AREL1: variants seen among roughly 807,000 people sequenced by gnomAD.
AREL1 encodes apoptosis-resistant E3 ubiquitin protein ligase 1.
A neutral mutation model predicts 99.0 loss-of-function variants in AREL1; 62 were observed. The ratio of observed to expected loss-of-function variants is 0.63; its 90% confidence interval spans 0.51 to 0.77. The LOEUF is 0.77. Ranked by LOEUF, AREL1 falls within the 30% of genes least tolerant of loss-of-function variation. AREL1 has a pLI of 0.00. For missense variants in AREL1, 879 were observed against 1,027.6 expected (o/e 0.86, Z 1.98); for synonymous variants, 380 against 376.5 (o/e 1.01, Z -0.11).
chr14:74,706,058 T>C (rs529900613), intron 1 of AREL1, among the ~76,000 whole-genome samples: 2 of 152,312 alleles, frequency 1.3e-5, no homozygotes, highest in African/African-American at 4.8e-5. Context: ...TAGAAAATAC[T>C]AGCTTCAGTT....
At chr14:74,707,575 C>T (rs1173569960) in intron 1 of AREL1, among the ~76,000 whole-genome samples, 1 of 152,010 alleles carries the variant, frequency 6.6e-6, no homozygotes, top group East Asian at 1.9e-4. Flanking sequence ...GCAGGTGGGT[C>T]ACAAGGTCAG....
chr14:74,698,000 A>G (rs1165678639), intron 1 of AREL1, among the ~76,000 whole-genome samples: 1 of 152,176 alleles, frequency 6.6e-6, no homozygotes, highest in East Asian at 1.9e-4. Flanking sequence ...GAGAAAAAAA[A>G]ATTTCATGTT....
At chr14:74,669,573 G>C in intron 15 of AREL1, 76 bp downstream of exon 15, 1 of 1,523,870 alleles carries the variant, frequency 6.6e-7, no homozygotes, top group South Asian at 1.3e-5. Context: ...CACCACTGCA[G>C]AAAGTTCTCT....
intron 2 of AREL1, among the ~76,000 whole-genome samples, chr14:74,688,338 C>A (rs1363307308): frequency 6.6e-6 from 1 of 152,012 alleles, no homozygotes; most frequent in Non-Finnish European, 1.5e-5. Context: ...AGTACTTACT[C>A]AATGTGCCAG....
chr14:74,689,592 CTTTTTTTT>C (rs1057362002), intron 2 of AREL1, among the ~76,000 whole-genome samples: 5 of 98,524 alleles, frequency 5.1e-5, no homozygotes, highest in Non-Finnish European at 7.6e-5. Flanking sequence ...TAGCACTTTT[CTTTTTTTT>C]TTTTTTTTTT....
intron 17 of AREL1, 104 bp downstream of exon 17, chr14:74,667,215 A>G: frequency 7.4e-7 from 1 of 1,348,546 alleles, no homozygotes; most frequent in Non-Finnish European, 1.0e-6. Flanking sequence ...TCTTGCATAA[A>G]TGGCTTTCCA....
chr14:74,681,433 T>A (rs1192649094), intron 5 of AREL1, among the ~76,000 whole-genome samples: 1 of 147,090 alleles, frequency 6.8e-6, no homozygotes, highest in African/African-American at 2.5e-5. Flanking sequence ...AATGACAAAA[T>A]TATAGAAATG....
intron 1 of AREL1, among the ~76,000 whole-genome samples, chr14:74,695,689 T>C (rs528472868): frequency 1.8e-4 from 28 of 152,296 alleles, no homozygotes; most frequent in African/African-American, 6.3e-4. Flanking sequence ...CTAGTCTGTA[T>C]TGAAATTATT....
At chr14:74,691,219 C>G (rs573015618) in intron 2 of AREL1, 1 of 149,844 alleles carries the variant, frequency 6.7e-6, no homozygotes. Context: ...ACTTGGGAGG[C>G]TGAGGCGGGA....
At chr14:74,686,749 T>A (rs181152619) in intron 2 of AREL1, among the ~76,000 whole-genome samples, 2 of 152,242 alleles carry the variant, frequency 1.3e-5, no homozygotes, top group Admixed American at 1.3e-4. Flanking sequence ...AGAGAGTAGG[T>A]AATTTGAGGA....
At chr14:74,692,449 C>T (rs988068895) in intron 1 of AREL1, 121 bp from the exon 2 acceptor site, 11 of 327,276 alleles carry the variant, frequency 3.4e-5, no homozygotes, top group African/African-American at 2.2e-4. Flanking sequence ...CTAAAAATAA[C>T]CAAAAATTGG....
At chr14:74,668,074 G>C (rs1025236403) in intron 15 of AREL1, among the ~76,000 whole-genome samples, 1 of 152,216 alleles carries the variant, frequency 6.6e-6, no homozygotes, top group African/African-American at 2.4e-5. Flanking sequence ...GCCACAGTTT[G>C]ATACTTGAAG....
chr14:74,710,665 A>T (rs150801167), intron 1 of AREL1, among the ~76,000 whole-genome samples: 1 of 152,336 alleles, frequency 6.6e-6, no homozygotes, highest in Non-Finnish European at 1.5e-5. Context: ...CAGAAAGATT[A>T]GGAACTTCTA....
At chr14:74,667,213 A>G in intron 17 of AREL1, 106 bp downstream of exon 17, 1 of 1,333,854 alleles carries the variant, frequency 7.5e-7, no homozygotes, top group East Asian at 2.4e-5. Flanking sequence ...CCTCTTGCAT[A>G]AATGGCTTTC....
At chr14:74,675,180 T>TA (rs2089443761) in intron 8 of AREL1, among the ~76,000 whole-genome samples, 1 of 152,198 alleles carries the variant, frequency 6.6e-6, no homozygotes, top group South Asian at 2.1e-4. Context: ...CCATCACCCC[T>TA]AGTCCAAATT....
chr14:74,685,821 T>C (rs2089736676), intron 2 of AREL1, among the ~76,000 whole-genome samples, 161 bp from the exon 3 acceptor site: 1 of 152,242 alleles, frequency 6.6e-6, no homozygotes, highest in Non-Finnish European at 1.5e-5. Flanking sequence ...CCGTATAATA[T>C]ATTTCAGAGA....
At chr14:74,683,916 T>A (rs1010926354) in intron 4 of AREL1, among the ~76,000 whole-genome samples, 1 of 152,154 alleles carries the variant, frequency 6.6e-6, no homozygotes, top group Non-Finnish European at 1.5e-5. Context: ...TGGCAATGAG[T>A]GAACTAAAGC....
chr14:74,697,423 T>C (rs1395965407), intron 1 of AREL1, among the ~76,000 whole-genome samples: 3 of 152,204 alleles, frequency 2.0e-5, no homozygotes, highest in Non-Finnish European at 4.4e-5. Context: ...TAGGGTGGTC[T>C]AACTAAGGAG....
intron 1 of AREL1, among the ~76,000 whole-genome samples, chr14:74,708,664 T>A (rs28578498): frequency 0.02 from 2,998 of 152,364 alleles, 82 homozygotes; most frequent in African/African-American, 0.067. Flanking sequence ...AATTAACAGA[T>A]GTTAACTATT....
Sources: allele counts gnomAD v4.1 joint callset (sites outside exome capture counted in the v4.1 genomes callset), GRCh38; gene constraint gnomAD v4.1.1; transcripts MANE v1.5; gene names NCBI Gene and HGNC (gene_info 2026-07-23, HGNC 2026-07-21).